The following ARHGEF10 variants were observed in gnomAD, a reference collection of about 807,000 sequenced individuals.
ARHGEF10 encodes the protein Rho guanine nucleotide exchange factor (GEF) 10.
Under a neutral mutation model 147.4 loss-of-function variants are expected in ARHGEF10, and 140 were observed. The ratio of observed to expected loss-of-function variants is 0.95; its 90% CI spans 0.83 to 1.09. The LOEUF is 1.09. Ranked by LOEUF, ARHGEF10 falls within the 50% of genes least tolerant of loss-of-function variation. The pLI is 0.00. For missense variants in ARHGEF10, 2,222 were observed against 1,752.7 expected (o/e 1.27, Z -4.78); for synonymous variants, 902 against 695.8 (o/e 1.30, Z -4.67).
rs138712412 is a variant in ARHGEF10 at position 1,878,034 on chromosome 8, C to G, written c.843+1300C>G. Among the ~76,000 whole-genome samples the G allele has an allele frequency of 3.9e-3, 601 of 152,240 alleles. 7 individuals are homozygous for G. The highest frequency in any genetic ancestry group is 0.014 in the African/African-American group (578 of 41,536). On this transcript the variant is annotated intron_variant, in intron 8 of 28. Coordinates refer to ENST00000349830, the MANE Select transcript of ARHGEF10 (RefSeq NM_014629.4). ...CCTACAATTCTCATATTCTGTGAAC[C>G]TGGCTCGTGAAACTCAAGGAGAATC...
At chr8:1,893,509 A>G in intron 11 of ARHGEF10, 60 bp from the exon 12 acceptor site, 1 of 1,130,548 alleles carries the variant, frequency 8.8e-7, no homozygotes, top group Admixed American at 1.7e-5. Context: ...ATAGAAGTAA[A>G]ATGTATCTGT....
rs981779440 is a variant in ARHGEF10 at position 1,835,865 on chromosome 8, G to T, written c.-47-7488G>T. On this transcript the variant is annotated intron_variant, in intron 1 of 28. Coordinates refer to ENST00000349830, the MANE Select transcript of ARHGEF10 (RefSeq NM_014629.4). Reference sequence around the variant, plus strand: ...GTGTCTCTGGGCTCCCTCTCTGACTGAATGCATCATCTTTTTGTTTAAAAC... The same window carrying T: ...GTGTCTCTGGGCTCCCTCTCTGACTTAATGCATCATCTTTTTGTTTAAAAC... 2.0e-5 allele frequency among the ~76,000 whole-genome samples: 3 copies of T among 152,288 alleles called. No individual in the cohort carries two copies. In the East Asian group the frequency reaches 5.8e-4, roughly 29 times the overall value.
chr8:1,869,158 G>T, intron 6 of ARHGEF10, 36 bp from the exon 7 acceptor site: 2 of 1,581,610 alleles, frequency 1.3e-6, no homozygotes, highest in Non-Finnish European at 1.7e-6. Context: ...GGTTTTGTTG[G>T]TCACTGTTTA....
chr8:1,841,584 C>T (rs1258476287), intron 1 of ARHGEF10, among the ~76,000 whole-genome samples: 2 of 152,032 alleles, frequency 1.3e-5, no homozygotes, highest in Non-Finnish European at 2.9e-5. Flanking sequence ...CACGCGGCTC[C>T]CTGGGGGCAG....
At chr8:1,857,020 G>C (rs1805602898) in intron 2 of ARHGEF10, among the ~76,000 whole-genome samples, 1 of 152,176 alleles carries the variant, frequency 6.6e-6, no homozygotes, top group Non-Finnish European at 1.5e-5. Context: ...CACACGGCAG[G>C]CTGCGCCATC....
At chr8:1,950,306 A>ACCGCAG (rs1435868292) in intron 27 of ARHGEF10, among the ~76,000 whole-genome samples, 1 of 152,062 alleles carries the variant, frequency 6.6e-6, no homozygotes, top group Non-Finnish European at 1.5e-5. Flanking sequence ...AGCGGCACTC[A>ACCGCAG]CCGCAGCCTC....
rs189357978 is a variant in ARHGEF10 at position 1,841,555 on chromosome 8, G to A, written c.-47-1798G>A. Among the ~76,000 whole-genome samples, 5 of 152,296 alleles carry A rather than the reference G, an allele frequency of 3.3e-5. No individual in the cohort carries two copies. The East Asian group carries it at 9.7e-4, about 30-fold the overall frequency. ...TCTTTCCCAGCTACCGGGGGCCACA[G>A]TGGGCCATGTTGAGTGAACACGCGG... On this transcript the variant is annotated intron_variant, in intron 1 of 28. Coordinates refer to ENST00000349830, the MANE Select transcript of ARHGEF10 (RefSeq NM_014629.4).
rs202020429 is a variant in ARHGEF10 at position 1,945,663 on chromosome 8, G to A, written c.3397+8G>A. On this transcript the variant is annotated splice_region_variant and intron_variant, in intron 27 of 28. Coordinates refer to ENST00000349830, the MANE Select transcript of ARHGEF10 (RefSeq NM_014629.4). ...TTCACAACATGCTGCCAGGTAAGGGGACGGGACGGGGCCCAGGGATGGGAC... is the reference window on the plus strand; with the variant it reads ...TTCACAACATGCTGCCAGGTAAGGGAACGGGACGGGGCCCAGGGATGGGAC... 1 of 1,614,192 alleles carries A rather than the reference G, an allele frequency of 6.2e-7. No individual in the cohort carries two copies. Among genetic ancestry groups the A allele is most frequent in the Admixed American group, 1.7e-5 (1 of 60,034 alleles).
At chr8:1,851,851 C>G (rs1448492127) in intron 2 of ARHGEF10, among the ~76,000 whole-genome samples, 1 of 151,716 alleles carries the variant, frequency 6.6e-6, no homozygotes, top group Non-Finnish European at 1.5e-5. Flanking sequence ...GAGGTCAAGG[C>G]TGCAGTAAGC....
chr8:1,926,564 G>C, intron 23 of ARHGEF10, 101 bp downstream of exon 23: 1 of 1,087,218 alleles, frequency 9.2e-7, no homozygotes, highest in Non-Finnish European at 1.4e-6. Flanking sequence ...GTAGAGAGTT[G>C]GCGGTGGCGT....
intron 28 of ARHGEF10, among the ~76,000 whole-genome samples, chr8:1,954,051 G>A (rs1279748656): frequency 6.6e-6 from 1 of 151,978 alleles, no homozygotes; most frequent in Non-Finnish European, 1.5e-5. Context: ...GATTGTACAT[G>A]TTGAGGACCC....
intron 16 of ARHGEF10, chr8:1,903,837 T>C (rs1810675007): frequency 3.4e-6 from 1 of 298,310 alleles, no homozygotes; most frequent in Non-Finnish European, 6.4e-6. Context: ...CTCACACCTG[T>C]AAGCCCAGCA....
chr8:1,898,518 T>A lies in ARHGEF10; in HGVS notation c.1643T>A (p.Leu548Gln). 1 of 1,614,082 alleles carries A rather than the reference T, an allele frequency of 6.2e-7. No individual in the cohort carries two copies. Among genetic ancestry groups the A allele is most frequent in the South Asian group, 1.1e-5 (1 of 91,088 alleles). Reference sequence around the variant, plus strand: ...CAGAGGTTCCCACAGTTCATCCTCCTGCTCCAGGTAAGTGCTTCACGGAGA... The same window carrying A: ...CAGAGGTTCCCACAGTTCATCCTCCAGCTCCAGGTAAGTGCTTCACGGAGA... ...PIQRFPQFIL[L>Q]LQDMLKNTSK... The change falls in exon 15 of 29, where the codon CTG becomes CAG. Residue 548 changes from leucine to glutamine, a missense_variant. By Grantham distance (113) the Leu-to-Gln change is moderately radical (BLOSUM62 -2). Transcript: ENST00000349830.
intron 17 of ARHGEF10, among the ~76,000 whole-genome samples, chr8:1,908,479 G>T (rs1247439262): frequency 6.6e-6 from 1 of 152,082 alleles, no homozygotes; most frequent in East Asian, 1.9e-4. Context: ...TGATCTGCCT[G>T]CCTTGGCCTC....
intron 5 of ARHGEF10, among the ~76,000 whole-genome samples, chr8:1,865,797 C>T (rs1806553229): frequency 2.6e-5 from 4 of 152,210 alleles, no homozygotes; most frequent in South Asian, 4.1e-4. Flanking sequence ...ACTCTGCTTC[C>T]GGTCTTGGCC....
Position 1,866,560 on chromosome 8 carries a change from GCCCGCTGGGCCGCAGA to G in ARHGEF10, c.585_600del (p.Trp196ProfsTer29), listed in dbSNP as rs1326808175. ...AGTCGGTCGAGAGGACAGCGCACTT[GCCCGCTGGGCCGCAGA>G]CCCGGCCAACACAGCCTGGATGGAG... is the stretch of plus-strand genomic sequence containing the variant. On this transcript the variant is annotated frameshift_variant, in exon 6 of 29. Transcript: ENST00000349830. LOFTEE classifies it high-confidence loss of function. The G allele has an allele frequency of 9.9e-6, 16 of 1,609,198 alleles. No individual in the cohort carries two copies. The highest frequency in any genetic ancestry group is 1.4e-5 in the Non-Finnish European group (16 of 1,180,010).
chr8:1,832,689 CAG>C (rs140894018), intron 1 of ARHGEF10, among the ~76,000 whole-genome samples: 2 of 35,622 alleles, frequency 5.6e-5, no homozygotes, highest in Admixed American at 2.6e-4. Context: ...GAGACAGAGA[CAG>C]AGAGACAGGC....
chr8:1,870,544 ATT>A (rs2129095953), intron 7 of ARHGEF10: 1 of 152,286 alleles, frequency 6.6e-6, no homozygotes, highest in South Asian at 2.1e-4. Flanking sequence ...AGTACAGAAG[ATT>A]TGTAAGTAAA....
intron 1 of ARHGEF10, among the ~76,000 whole-genome samples, chr8:1,826,471 G>A (rs991364280): frequency 3.9e-5 from 6 of 152,048 alleles, no homozygotes; most frequent in African/African-American, 1.4e-4. Flanking sequence ...AGATAGAGGC[G>A]TTGGGTGGTG....
Sources: gnomAD v4.1 joint callset for allele counts (sites outside exome capture counted in the v4.1 genomes callset) on GRCh38, gnomAD v4.1.1 for gene constraint, MANE v1.5 for transcripts, NCBI Gene and HGNC (gene_info 2026-07-23, HGNC 2026-07-21) for gene names.